SENP7: variants seen among roughly 807,000 people sequenced by gnomAD.
SENP7 encodes SUMO specific peptidase 7, also known as sentrin-specific protease 7.
In SENP7, 64 loss-of-function variants were observed where a neutral mutation model predicts 141.2. The ratio of observed to expected loss-of-function variants is 0.45; its 90% CI spans 0.37 to 0.56. The LOEUF (loss-of-function observed/expected upper bound fraction) is 0.56, where lower values mean the gene tolerates loss of function less well. Among genes scored for constraint, SENP7 ranks in the 20% least tolerant of loss-of-function variants. The pLI, the probability that SENP7 is intolerant of heterozygous loss-of-function variation, is 0.00. For synonymous variants in SENP7, 382 were observed against 426.4 expected, an observed-to-expected ratio of 0.90 and a Z score of 1.28; for missense variants, 1,025 against 1,212.2, an observed-to-expected ratio of 0.85 and a Z score of 2.29.
intron 5 of SENP7, among the ~76,000 whole-genome samples, chr3:101,405,510 G>A (rs1187443849): frequency 6.6e-6 from 1 of 152,100 alleles, no homozygotes; most frequent in Admixed American, 6.5e-5. Flanking sequence ...CTGGTAATAT[G>A]ACAAAATAAG....
chr3:101,349,552 G>C (rs2059560483), intron 12 of SENP7, among the ~76,000 whole-genome samples: 1 of 152,080 alleles, frequency 6.6e-6, no homozygotes. Context: ...GGTTTCCGGG[G>C]AGGGATAGCA....
At chr3:101,459,544 C>T (rs528989497) in intron 3 of SENP7, among the ~76,000 whole-genome samples, 39 of 152,250 alleles carry the variant, frequency 2.6e-4, no homozygotes, top group Non-Finnish European at 4.9e-4. Flanking sequence ...ATTTAATACA[C>T]AGTGTTAGCC....
chr3:101,348,987 A>C (rs2059543959), intron 12 of SENP7, among the ~76,000 whole-genome samples: 2 of 152,162 alleles, frequency 1.3e-5, no homozygotes, highest in Admixed American at 1.3e-4. Flanking sequence ...AGTATAGTCT[A>C]AGCTGAGCTT....
At chr3:101,369,761 A>G (rs2060129009) in intron 7 of SENP7, among the ~76,000 whole-genome samples, 1 of 152,190 alleles carries the variant, frequency 6.6e-6, no homozygotes, top group Admixed American at 6.5e-5. Flanking sequence ...TTTGCATATC[A>G]GTCAAGCCTG....
intron 3 of SENP7, among the ~76,000 whole-genome samples, chr3:101,473,649 C>A (rs966429534): frequency 1.3e-5 from 2 of 152,150 alleles, no homozygotes; most frequent in African/African-American, 2.4e-5. Context: ...CTGTCAGATG[C>A]ATAGTTTGCA....
At chr3:101,352,275 T>C (rs2059631777) in intron 11 of SENP7, among the ~76,000 whole-genome samples, 1 of 152,020 alleles carries the variant, frequency 6.6e-6, no homozygotes, top group Non-Finnish European at 1.5e-5. Context: ...TAATGTGAAA[T>C]GGCTACAAAA....
At chr3:101,460,599 GA>G (rs1003000401) in intron 3 of SENP7, among the ~76,000 whole-genome samples, 83 of 150,044 alleles carry the variant, frequency 5.5e-4, no homozygotes, top group African/African-American at 1.7e-3. Flanking sequence ...GAAACTCTTA[GA>G]AAAAAAAACA....
intron 3 of SENP7, among the ~76,000 whole-genome samples, chr3:101,467,776 C>G (rs1452771203): frequency 2.0e-5 from 3 of 152,154 alleles, no homozygotes; most frequent in Non-Finnish European, 4.4e-5. Flanking sequence ...GCTGAAAATT[C>G]TAAAAATCGG....
At chr3:101,376,636 G>A (rs952764414) in intron 6 of SENP7, among the ~76,000 whole-genome samples, 2 of 152,004 alleles carry the variant, frequency 1.3e-5, no homozygotes, top group Non-Finnish European at 2.9e-5. Context: ...GACTGTTGTG[G>A]GGTGGGGGGA....
chr3:101,336,236 T>C (rs147409837), intron 17 of SENP7, among the ~76,000 whole-genome samples: 49 of 152,346 alleles, frequency 3.2e-4, no homozygotes, highest in African/African-American at 1.1e-3. Flanking sequence ...TCTTAGTTCC[T>C]AGCAGGCACT....
At position 101,391,653 on chromosome 3, in the gene SENP7, A is replaced by T. The variant is rs562566623; in HGVS notation, c.677+7208T>A. Among the ~76,000 whole-genome samples, 48 of 152,336 alleles carry T rather than the reference A, an allele frequency of 3.2e-4. 1 individual carries two copies. The highest frequency in any genetic ancestry group is 2.5e-3 in the East Asian group (13 of 5,192). Reference sequence around the variant, plus strand: ...GACGGTTTTATTGCTGAATTCTATCAATCTTATAGAGAGGAACTAACACCA... The same window carrying T: ...GACGGTTTTATTGCTGAATTCTATCTATCTTATAGAGAGGAACTAACACCA... On this transcript the variant is annotated intron_variant, in intron 6 of 23. Transcript: ENST00000394095.
rs1331615211 is a variant in SENP7, at chr3:101,324,356, T to C, written c.*1587A>G. The stretch of plus-strand genomic sequence containing the variant: ...CACATTAATTTAGGAAAATGAATTT[T>C]AAACAATCTTCAAAACATGATAAAG... On this transcript the variant is annotated 3_prime_UTR_variant, in exon 24 of 24. Coordinates refer to ENST00000394095, the MANE Select transcript of SENP7 (RefSeq NM_020654.5). 1 of 152,098 alleles carries C rather than the reference T, an allele frequency of 6.6e-6. No individual in the cohort carries two copies. Among genetic ancestry groups the C allele is most frequent in the Admixed American group, 6.6e-5 (1 of 15,236 alleles). The allele number at this position is 152,098 out of a possible 1,614,324, so 9.4% of individuals were successfully genotyped here.
At chr3:101,332,885 T>A in intron 17 of SENP7, 23 bp from the exon 18 acceptor site, 1 of 1,559,646 alleles carries the variant, frequency 6.4e-7, no homozygotes, top group Non-Finnish European at 8.6e-7. Flanking sequence ...AAGACAGATT[T>A]GATATATAAA....
chr3:101,334,098 C>T (rs980570632), intron 17 of SENP7, among the ~76,000 whole-genome samples: 10 of 152,154 alleles, frequency 6.6e-5, no homozygotes, highest in Non-Finnish European at 1.3e-4. Context: ...CAGTAATGCT[C>T]GCTCACTGCT....
intron 16 of SENP7, among the ~76,000 whole-genome samples, chr3:101,339,350 C>G (rs138041442): frequency 1.3e-5 from 2 of 152,258 alleles, no homozygotes; most frequent in Non-Finnish European, 2.9e-5. Flanking sequence ...TACAAAATGA[C>G]GGCTAGAAGC....
intron 4 of SENP7, among the ~76,000 whole-genome samples, chr3:101,444,029 T>A (rs2062788059): frequency 6.9e-6 from 1 of 144,844 alleles, no homozygotes; most frequent in East Asian, 2.0e-4. Context: ...TACAATGAAC[T>A]CAAACAAATT....
chr3:101,335,577 T>C (rs1248489203), intron 17 of SENP7, among the ~76,000 whole-genome samples: 1 of 151,672 alleles, frequency 6.6e-6, no homozygotes, highest in Non-Finnish European at 1.5e-5. Context: ...GTAACTTTAT[T>C]TTTATTATGT....
rs1476887393 is a variant in SENP7 at position 101,513,200 on chromosome 3, G to C, written c.-70C>G. ...GGACCCCTCCGGCTTGGAGAGGGAG[G>C]GGGAGGGGAAAGGAAAAAAAAAAAA... On this transcript the variant is annotated 5_prime_UTR_variant, in exon 1 of 24. Coordinates refer to ENST00000394095, the MANE Select transcript of SENP7 (RefSeq NM_020654.5). 9.1e-6 allele frequency: 8 copies of C among 877,672 alleles called. No homozygotes were observed. The highest frequency in any genetic ancestry group is 3.6e-5 in the African/African-American group (2 of 55,308). The allele number at this position is 877,672 out of a possible 1,614,324, so 54.4% of individuals were successfully genotyped here. A position where few individuals can be genotyped will look rare whatever the true frequency, so the allele number is the denominator to read the frequency against.
intron 4 of SENP7, among the ~76,000 whole-genome samples, chr3:101,445,749 T>C (rs1343532131): frequency 6.6e-6 from 1 of 152,172 alleles, no homozygotes; most frequent in South Asian, 2.1e-4. Context: ...TACACACTTA[T>C]GTCAGACAAA....
Sources: gnomAD v4.1 joint callset for allele counts (sites outside exome capture counted in the v4.1 genomes callset) on GRCh38, gnomAD v4.1.1 for gene constraint, MANE v1.5 for transcripts, NCBI Gene and HGNC (gene_info 2026-07-23, HGNC 2026-07-21) for gene names.